Variants in CELF2 observed in about 807,000 individuals in gnomAD.
The protein encoded by CELF2 is CUGBP Elav-like family member 2.
Under a neutral mutation model 62.6 loss-of-function variants are expected in CELF2, and 8 were observed. The ratio of observed to expected loss-of-function variants is 0.13; its 90% CI spans 0.07 to 0.23. CELF2 has a LOEUF of 0.23. CELF2 is among the 10% of genes least tolerant of loss of function. CELF2 has a pLI of 1.00. For synonymous variants in CELF2, 258 were observed against 250.0 expected (o/e 1.03, Z -0.30); for missense variants, 333 against 671.0 (o/e 0.50, Z 5.56).
the CELF2 span, among the ~76,000 whole-genome samples, chr10:10,758,346 C>A: frequency 6.6e-6 from 1 of 152,174 alleles, no homozygotes; most frequent in Admixed American, 6.5e-5. Context: ...TTGCCTGTCA[C>A]CTTTACACCC....
intron 1 of CELF2, among the ~76,000 whole-genome samples, chr10:10,855,706 G>C (rs1335357954): frequency 2.0e-5 from 3 of 152,160 alleles, no homozygotes; most frequent in African/African-American, 7.2e-5. Context: ...TTGCCAAAAT[G>C]TGTGCTATGG....
chr10:10,707,366 T>C, the CELF2 span, among the ~76,000 whole-genome samples: 1 of 152,202 alleles, frequency 6.6e-6, no homozygotes, highest in South Asian at 2.1e-4. Context: ...TCAAGCAGGG[T>C]AAAATATTTG....
chr10:10,909,907 G>A (rs1335424793), intron 1 of CELF2, among the ~76,000 whole-genome samples: 1 of 149,896 alleles, frequency 6.7e-6, no homozygotes, highest in Non-Finnish European at 1.5e-5. Flanking sequence ...AGCATGTAGA[G>A]ATGGACACAC....
chr10:10,867,114 T>G (rs906578854), intron 1 of CELF2, among the ~76,000 whole-genome samples: 2 of 152,172 alleles, frequency 1.3e-5, no homozygotes, highest in African/African-American at 2.4e-5. Context: ...AACAACCTAC[T>G]CTCTGGGAAA....
the CELF2 span, among the ~76,000 whole-genome samples, chr10:10,501,568 T>C: frequency 1.3e-5 from 2 of 152,168 alleles, no homozygotes; most frequent in South Asian, 4.1e-4. Flanking sequence ...GACAGTGATA[T>C]TGTATTTTTA....
At chr10:10,697,404 C>T in the CELF2 span, among the ~76,000 whole-genome samples, 1 of 152,160 alleles carries the variant, frequency 6.6e-6, no homozygotes, top group South Asian at 2.1e-4. Flanking sequence ...TGCAGCATTG[C>T]TTAAGGCCAG....
the CELF2 span, among the ~76,000 whole-genome samples, chr10:10,773,156 T>C: frequency 6.6e-6 from 1 of 152,322 alleles, no homozygotes; most frequent in Admixed American, 6.5e-5. Flanking sequence ...TGTTGATTTC[T>C]AAGGAAGAAT....
the CELF2 span, among the ~76,000 whole-genome samples, chr10:10,687,195 A>G: frequency 5.9e-3 from 898 of 152,316 alleles, 9 homozygotes; most frequent in African/African-American, 0.021. Context: ...GTGGACCTGA[A>G]TTGTTTTTAA....
rs1461175552 is a variant in CELF2, at chr10:11,314,086, C to T, written c.977-53C>T. ...ATGACAGAAGGATTTCCAGTCTCGG[C>T]TCTCACTCACCTCGTGTCTTCTCTC... On this transcript the variant is annotated intron_variant, in intron 9 of 12. Coordinates refer to ENST00000633077, the MANE Select transcript of CELF2 (RefSeq NM_001326342.2). This position sits in a 1 kb window ranked among gnomAD's most constrained non-coding sequence, Gnocchi z 5.3. 12 of 1,547,158 alleles carry T rather than the reference C, an allele frequency of 7.8e-6. No homozygotes were observed. The Middle Eastern group carries it at 6.4e-4, about 82-fold the overall frequency.
intron 1 of CELF2, among the ~76,000 whole-genome samples, chr10:10,844,812 G>A (rs1591092011): frequency 6.6e-6 from 1 of 152,122 alleles, no homozygotes; most frequent in Non-Finnish European, 1.5e-5. Flanking sequence ...GAAAGGAACA[G>A]AAAATTTGAA....
chr10:11,170,468 C>G (rs1348377259), intron 2 of CELF2, among the ~76,000 whole-genome samples: 1 of 152,120 alleles, frequency 6.6e-6, no homozygotes, highest in Non-Finnish European at 1.5e-5. Flanking sequence ...ACACTTAGAT[C>G]ATGTCCATCT....
chr10:10,482,896 G>A, the CELF2 span, among the ~76,000 whole-genome samples: 12 of 152,106 alleles, frequency 7.9e-5, no homozygotes, highest in Non-Finnish European at 1.2e-4. Context: ...TGATAGCTCA[G>A]AGCTCACTGA....
At chr10:10,628,482 G>A in the CELF2 span, among the ~76,000 whole-genome samples, 1 of 152,054 alleles carries the variant, frequency 6.6e-6, no homozygotes, top group African/African-American at 2.4e-5. Flanking sequence ...ATCTCCACTT[G>A]GGGGATGAGT....
intron 1 of CELF2, among the ~76,000 whole-genome samples, chr10:11,019,917 C>G (rs1271365691): frequency 6.6e-6 from 1 of 152,114 alleles, no homozygotes; most frequent in Non-Finnish European, 1.5e-5. Flanking sequence ...GAAGAATTCG[C>G]CTAATCATGA....
chr10:10,587,914 T>C, the CELF2 span, among the ~76,000 whole-genome samples: 1 of 152,142 alleles, frequency 6.6e-6, no homozygotes, highest in African/African-American at 2.4e-5. Flanking sequence ...ACCCGCAGAT[T>C]TGGGAAAAGG....
chr10:11,275,153 G>C, intron 8 of CELF2, 33 bp downstream of exon 8: 2 of 1,609,072 alleles, frequency 1.2e-6, no homozygotes, highest in Non-Finnish European at 1.7e-6. Context: ...CCTTTTGACC[G>C]TGCTATTGTC....
chr10:10,832,623 T>C (rs1342348467), intron 1 of CELF2, among the ~76,000 whole-genome samples: 2 of 152,154 alleles, frequency 1.3e-5, no homozygotes, highest in South Asian at 4.1e-4. Flanking sequence ...CAATAAAACA[T>C]TGATGATCAA....
At chr10:10,624,457 T>A in the CELF2 span, among the ~76,000 whole-genome samples, 1 of 152,172 alleles carries the variant, frequency 6.6e-6, no homozygotes, top group Middle Eastern at 3.2e-3. Context: ...GATTCAGGCT[T>A]TCAGTACAAG....
chr10:11,306,516 G>T lies in CELF2; in HGVS notation c.977-7623G>T, dbSNP rs1271147300. Among the ~76,000 whole-genome samples, 1 of 152,082 alleles carries T rather than the reference G, an allele frequency of 6.6e-6. No individual in the cohort carries two copies. The highest frequency in any genetic ancestry group is 1.5e-5 in the Non-Finnish European group (1 of 68,012). ...GTCTTTAGGTACTTGATCAAGGTTG[G>T]CTGTGTGACAAATTGGAGTTTTTCT... On this transcript the variant is annotated intron_variant, in intron 9 of 12. Coordinates refer to ENST00000633077, the MANE Select transcript of CELF2 (RefSeq NM_001326342.2). This position sits in a 1 kb window ranked among gnomAD's most constrained non-coding sequence, Gnocchi z 4.4.
Sources: allele counts gnomAD v4.1 joint callset (sites outside exome capture counted in the v4.1 genomes callset), GRCh38; gene constraint gnomAD v4.1.1; non-coding constraint Gnocchi (gnomAD v3.1); transcripts MANE v1.5; gene names NCBI Gene and HGNC (gene_info 2026-07-23, HGNC 2026-07-21).